DOCK1: variants seen among roughly 807,000 people sequenced by gnomAD.
The protein encoded by DOCK1 is dedicator of cytokinesis 1.
DOCK1 carries 138 observed loss-of-function variants against 262.7 expected under a neutral mutation model. That is an observed-to-expected ratio of 0.53 (90% confidence interval 0.46 to 0.61). DOCK1 has a LOEUF of 0.61. Ranked by LOEUF, DOCK1 falls within the 20% of genes least tolerant of loss-of-function variation. The pLI is 0.00. For missense variants in DOCK1, 1,908 were observed against 2,370.7 expected, an observed-to-expected ratio of 0.80 and a Z score of 4.05; for synonymous variants, 866 against 867.4, an observed-to-expected ratio of 1.00 and a Z score of 0.03.
intron 38 of DOCK1, among the ~76,000 whole-genome samples, chr10:127,391,312 C>T (rs1394056836): frequency 2.0e-5 from 3 of 152,156 alleles, no homozygotes; most frequent in South Asian, 2.1e-4. Context: ...GGAAGGGTGA[C>T]TTGGGAGTTC....
chr10:126,963,136 TA>T (rs2037355283), intron 1 of DOCK1, among the ~76,000 whole-genome samples: 1 of 152,190 alleles, frequency 6.6e-6, no homozygotes. Context: ...AGCTTTGTAG[TA>T]GGTATTGAAA....
intron 18 of DOCK1, among the ~76,000 whole-genome samples, chr10:127,035,831 G>A (rs1372729284): frequency 4.0e-5 from 6 of 151,710 alleles, no homozygotes; most frequent in African/African-American, 1.2e-4. Context: ...GCAACATGGC[G>A]AGTCCCTGTC....
intron 1 of DOCK1, among the ~76,000 whole-genome samples, chr10:126,940,540 A>G (rs2134245935): frequency 6.6e-6 from 1 of 152,230 alleles, no homozygotes; most frequent in Admixed American, 6.5e-5. Flanking sequence ...AGTACCTGGG[A>G]TTACAGGCGC....
At chr10:126,929,082 A>C (rs910500152) in intron 1 of DOCK1, among the ~76,000 whole-genome samples, 2 of 152,192 alleles carry the variant, frequency 1.3e-5, no homozygotes, top group Non-Finnish European at 2.9e-5. Flanking sequence ...CATCAGGTAC[A>C]GGTGGAATTC....
rs140912241 is a variant in DOCK1 at position 127,362,249 on chromosome 10, A to G, written c.3432+37A>G. Reference sequence around the variant, plus strand: ...GATGTGCAGCGAGTGGCCGGGGGACATGAGGGAGGCAAACCTGAAAACCTT... The same window carrying G: ...GATGTGCAGCGAGTGGCCGGGGGACGTGAGGGAGGCAAACCTGAAAACCTT... On this transcript the variant is annotated intron_variant, in intron 33 of 51. Coordinates refer to ENST00000623213, the MANE Select transcript of DOCK1 (RefSeq NM_001290223.2). The G allele has an allele frequency of 4.4e-6, 7 of 1,595,810 alleles. No homozygotes were observed. In the African/African-American group the frequency reaches 5.4e-5, roughly 12 times the overall value.
At chr10:127,029,014 C>T (rs1381958316) in intron 16 of DOCK1, among the ~76,000 whole-genome samples, 1 of 152,242 alleles carries the variant, frequency 6.6e-6, no homozygotes, top group Non-Finnish European at 1.5e-5. Context: ...AGCTCATTCT[C>T]TCTAATTAAT....
intron 33 of DOCK1, among the ~76,000 whole-genome samples, chr10:127,362,963 CCACATA>C (rs776562278): frequency 0.15 from 675 of 4,484 alleles, 25 homozygotes; most frequent in Non-Finnish European, 0.2. Flanking sequence ...ATGTGCATCC[CCACATA>C]CACATACACA....
At chr10:127,111,443 G>T (rs1857670) in intron 25 of DOCK1, among the ~76,000 whole-genome samples, 45 of 152,220 alleles carry the variant, frequency 3.0e-4, no homozygotes, top group African/African-American at 9.9e-4. Flanking sequence ...AAGAAAGTCA[G>T]TTCTCACCAT....
intron 27 of DOCK1, among the ~76,000 whole-genome samples, chr10:127,234,056 G>A (rs1488510341): frequency 6.6e-6 from 1 of 152,116 alleles, no homozygotes; most frequent in Non-Finnish European, 1.5e-5. Context: ...GATACATACA[G>A]TATATTAAAC....
intron 33 of DOCK1, among the ~76,000 whole-genome samples, chr10:127,371,506 A>G (rs117204734): frequency 0.019 from 2,907 of 152,242 alleles, 42 homozygotes; most frequent in Non-Finnish European, 0.031. Context: ...TTCATAACCT[A>G]CACTCTGTGT....
intron 27 of DOCK1, among the ~76,000 whole-genome samples, chr10:127,174,654 G>A (rs543374591): frequency 6.6e-6 from 1 of 152,332 alleles, no homozygotes; most frequent in Admixed American, 6.5e-5. Context: ...AATGCCCATT[G>A]CTTCTTTGGG....
intron 27 of DOCK1, among the ~76,000 whole-genome samples, chr10:127,135,117 T>G (rs941717319): frequency 2.6e-5 from 4 of 152,202 alleles, no homozygotes; most frequent in African/African-American, 9.7e-5. Context: ...TAGCCATTTC[T>G]TCTGAGGTTA....
intron 29 of DOCK1, chr10:127,257,885 T>C (rs887247155): frequency 6.5e-6 from 1 of 152,984 alleles, no homozygotes; most frequent in East Asian, 1.9e-4. Context: ...GTGCCTTGTT[T>C]ATAATCTCCA....
At chr10:127,101,569 C>G (rs185562252) in intron 23 of DOCK1, among the ~76,000 whole-genome samples, 1 of 152,348 alleles carries the variant, frequency 6.6e-6, no homozygotes, top group East Asian at 1.9e-4. Context: ...ACAACCCCTT[C>G]TCTGAGGGTG....
intron 27 of DOCK1, among the ~76,000 whole-genome samples, chr10:127,238,060 C>T (rs1456010959): frequency 1.3e-5 from 2 of 152,148 alleles, no homozygotes; most frequent in African/African-American, 4.8e-5. Context: ...ACACATCATT[C>T]CTCGCTTCAT....
At chr10:127,397,984 C>T (rs1353794881) in intron 38 of DOCK1, among the ~76,000 whole-genome samples, 3 of 152,148 alleles carry the variant, frequency 2.0e-5, no homozygotes, top group African/African-American at 4.8e-5. Context: ...ACAGTGACTC[C>T]GATTTGGCAA....
rs916106031 is a variant in DOCK1, at chr10:126,957,401, A to G, written c.47-13301A>G. 3.3e-5 allele frequency among the ~76,000 whole-genome samples: 5 copies of G among 152,164 alleles called. No individual in the cohort carries two copies. The South Asian group carries it at 1.0e-3, about 32-fold the overall frequency. On this transcript the variant is annotated intron_variant, in intron 1 of 51. Coordinates refer to ENST00000623213, the MANE Select transcript of DOCK1 (RefSeq NM_001290223.2). ...CCAAAAGTGCAAACGCCTCCCATCA[A>G]AGTGGAAATTCCATGGGCCAAAAAC...
intron 1 of DOCK1, among the ~76,000 whole-genome samples, chr10:126,967,182 G>A (rs1241104784): frequency 6.6e-6 from 1 of 152,210 alleles, no homozygotes; most frequent in Non-Finnish European, 1.5e-5. Context: ...TACGTCATAT[G>A]TCAGGTGACA....
intron 27 of DOCK1, among the ~76,000 whole-genome samples, chr10:127,213,610 C>G (rs2058075455): frequency 6.6e-6 from 1 of 152,150 alleles, no homozygotes; most frequent in Non-Finnish European, 1.5e-5. Context: ...TAATGTACAC[C>G]AAGCATTTGT....
Sources: gnomAD v4.1 joint callset for allele counts (sites outside exome capture counted in the v4.1 genomes callset) on GRCh38, gnomAD v4.1.1 for gene constraint, MANE v1.5 for transcripts, NCBI Gene and HGNC (gene_info 2026-07-23, HGNC 2026-07-21) for gene names.